The following SH3BGRL variants were observed in gnomAD, a reference collection of about 807,000 sequenced individuals.
The protein encoded by SH3BGRL is adapter SH3BGRL.
Under a neutral mutation model 9.8 loss-of-function variants are expected in SH3BGRL, and 7 were observed. That is an observed-to-expected ratio of 0.72 (90% confidence interval 0.41 to 1.35). The LOEUF is 1.35. Ranked by LOEUF, SH3BGRL falls within the 40% of genes most tolerant of loss-of-function variation. The probability of loss-of-function intolerance (pLI) is 0.01; values close to 1 mark genes in which losing one functional copy is unlikely to be tolerated. For missense variants in SH3BGRL, 73 were observed against 84.4 expected (o/e 0.86, Z 0.53); for synonymous variants, 36 against 29.1 (o/e 1.24, Z -0.76).
chrX:81,253,642 T>A (rs746875987), intron 1 of SH3BGRL, among the ~76,000 whole-genome samples: 54 of 112,370 alleles, frequency 4.8e-4, no homozygotes, highest in Non-Finnish European at 7.9e-4. Context: ...CAACACAACA[T>A]TTGATGTTCA....
chrX:81,213,195 G>A (rs1602593695), intron 1 of SH3BGRL, among the ~76,000 whole-genome samples: 1 of 111,653 alleles, frequency 9.0e-6, no homozygotes, highest in Middle Eastern at 4.6e-3. Flanking sequence ...GTCAGAACAT[G>A]GATTTCTCCA....
rs1230116115 is a variant in SH3BGRL at position 81,212,253 on chromosome X, A to G, written c.45+10008A>G. On this transcript the variant is annotated intron_variant, in intron 1 of 3. Coordinates refer to ENST00000373212, the MANE Select transcript of SH3BGRL (RefSeq NM_003022.3). Reference sequence around the variant, plus strand: ...CTACAAAAAATAAAAAATAAAAAAAAAAGAATAAAGATGTTAAATTTAAAC... The same window carrying G: ...CTACAAAAAATAAAAAATAAAAAAAGAAGAATAAAGATGTTAAATTTAAAC... Among the ~76,000 whole-genome samples, 3 of 111,233 alleles carry G rather than the reference A, an allele frequency of 2.7e-5. No individual in the cohort carries two copies. The Admixed American group carries it at 2.9e-4, about 11-fold the overall frequency.
rs1406267922 is a variant in SH3BGRL at position 81,231,374 on chromosome X, TAAAG to T, written c.45+29131_45+29134del. Among the ~76,000 whole-genome samples, 3 of 112,659 alleles carry T rather than the reference TAAAG, an allele frequency of 2.7e-5. No homozygotes were observed. In the East Asian group the frequency reaches 8.4e-4, roughly 31 times the overall value. On this transcript the variant is annotated intron_variant, in intron 1 of 3. Coordinates refer to ENST00000373212, the MANE Select transcript of SH3BGRL (RefSeq NM_003022.3). Reference sequence around the variant, plus strand: ...GGTGTCATTAGGCTTCTTTTTTAAATAAAGAGAGTTGAATTTTATTTTATTTATT... The same window carrying T: ...GGTGTCATTAGGCTTCTTTTTTAAATAGAGTTGAATTTTATTTTATTTATT...
intron 1 of SH3BGRL, among the ~76,000 whole-genome samples, chrX:81,206,761 ACCCAAGGCCAAGAAGATAGAGAAG>A (rs2075549143): frequency 9.0e-6 from 1 of 111,145 alleles, no homozygotes; most frequent in African/African-American, 3.3e-5. Context: ...GTGACTGTTC[ACCCAAGGCCAAGAAGATAGAGAAG>A]ACCTACACAG....
intron 1 of SH3BGRL, among the ~76,000 whole-genome samples, chrX:81,212,434 A>G (rs2075568088): frequency 9.0e-6 from 1 of 110,980 alleles, no homozygotes. Context: ...CTTTGAATTC[A>G]TGCTTTGAAT....
At chrX:81,254,146 T>C (rs1233230057) in intron 1 of SH3BGRL, among the ~76,000 whole-genome samples, 1 of 112,244 alleles carries the variant, frequency 8.9e-6, no homozygotes, top group African/African-American at 3.2e-5. Context: ...TTGATAGTCA[T>C]AGTTCAAATA....
intron 1 of SH3BGRL, among the ~76,000 whole-genome samples, chrX:81,271,616 C>T (rs765241828): frequency 1.3e-4 from 14 of 111,282 alleles, no homozygotes; most frequent in Non-Finnish European, 2.4e-4. Context: ...AAATCTACGT[C>T]TGATTGGTGT....
intron 3 of SH3BGRL, 148 bp downstream of exon 3, chrX:81,278,559 T>C (rs905789295): frequency 2.3e-6 from 1 of 431,160 alleles, no homozygotes; most frequent in Admixed American, 4.5e-5. Flanking sequence ...ATCCACTTAA[T>C]TCCTATTAGG....
chrX:81,282,556 A>G (rs1447681548), intron 3 of SH3BGRL, among the ~76,000 whole-genome samples: 1 of 112,106 alleles, frequency 8.9e-6, no homozygotes, highest in Non-Finnish European at 1.9e-5. Flanking sequence ...CATGGAAAGT[A>G]AATAACCTGC....
intron 1 of SH3BGRL, among the ~76,000 whole-genome samples, chrX:81,208,341 G>A (rs1460640131): frequency 8.9e-6 from 1 of 111,868 alleles, no homozygotes; most frequent in Non-Finnish European, 1.9e-5. Context: ...ACTTTGTTGA[G>A]GAAGGGTTTT....
intron 1 of SH3BGRL, among the ~76,000 whole-genome samples, chrX:81,218,004 C>G (rs767490096): frequency 7.2e-5 from 8 of 110,559 alleles, no homozygotes; most frequent in African/African-American, 2.6e-4. Context: ...TTATATAATG[C>G]CCCTCTTTGT....
chrX:81,263,055 A>G (rs931578854), intron 1 of SH3BGRL, among the ~76,000 whole-genome samples: 1 of 111,807 alleles, frequency 8.9e-6, no homozygotes, highest in Non-Finnish European at 1.9e-5. Context: ...TAAAAACTGC[A>G]GGAGGTCAGA....
intron 1 of SH3BGRL, among the ~76,000 whole-genome samples, chrX:81,257,023 G>C (rs1206602859): frequency 9.0e-6 from 1 of 111,110 alleles, no homozygotes; most frequent in African/African-American, 3.3e-5. Context: ...CAATCCTTGA[G>C]TACTTATTAT....
At chrX:81,280,961 C>G (rs1044231406) in intron 3 of SH3BGRL, among the ~76,000 whole-genome samples, 1 of 110,626 alleles carries the variant, frequency 9.0e-6, no homozygotes, top group Non-Finnish European at 1.9e-5. Flanking sequence ...ATGAAATAGA[C>G]AGTGTAAGGA....
intron 1 of SH3BGRL, among the ~76,000 whole-genome samples, chrX:81,266,423 C>T (rs1189677288): frequency 9.0e-6 from 1 of 111,542 alleles, no homozygotes; most frequent in Non-Finnish European, 1.9e-5. Flanking sequence ...ATATGGCTAG[C>T]AAAAATAGTG....
intron 1 of SH3BGRL, among the ~76,000 whole-genome samples, chrX:81,245,504 T>C (rs2075685669): frequency 8.9e-6 from 1 of 112,373 alleles, no homozygotes; most frequent in South Asian, 3.7e-4. Flanking sequence ...GAAGCAGTTA[T>C]ATGAGCAGGT....
At chrX:81,227,950 T>C (rs1294746537) in intron 1 of SH3BGRL, among the ~76,000 whole-genome samples, 1 of 111,958 alleles carries the variant, frequency 8.9e-6, no homozygotes, top group African/African-American at 3.2e-5. Flanking sequence ...TTCTCTCATA[T>C]ATTGCAGTTT....
rs751193223 is a variant in SH3BGRL, at chrX:81,237,105, T to C, written c.45+34860T>C. On this transcript the variant is annotated intron_variant, in intron 1 of 3. Transcript: ENST00000373212. ...TAATGTTATTGAATTAAATTCTTAC[T>C]TGGATTTCCTAGGGAAGAGATGGAT... 1.4e-5 allele frequency: 13 copies of C among 898,777 alleles called. No individual in the cohort carries two copies. The East Asian group carries it at 1.0e-3, about 69-fold the overall frequency. The allele number at this position is 898,777 out of a possible 1,213,427, so 74.1% of individuals were successfully genotyped here.
chrX:81,212,123 A>G (rs1480801321), intron 1 of SH3BGRL, among the ~76,000 whole-genome samples: 1 of 111,023 alleles, frequency 9.0e-6, no homozygotes, highest in Non-Finnish European at 1.9e-5. Flanking sequence ...ACCTGGCACA[A>G]TGGCTCATGT....
Sources: allele counts gnomAD v4.1 joint callset (sites outside exome capture counted in the v4.1 genomes callset), GRCh38; gene constraint gnomAD v4.1.1; transcripts MANE v1.5; gene names NCBI Gene and HGNC (gene_info 2026-07-23, HGNC 2026-07-21).